Variants in GRIK1 observed in about 807,000 individuals in gnomAD.
GRIK1 encodes glutamate ionotropic receptor kainate type subunit 1, also known as glutamate receptor ionotropic, kainate 1.
In GRIK1, 69 loss-of-function variants were observed where a neutral mutation model predicts 105.7. The ratio of observed to expected loss-of-function variants is 0.65; its 90% CI spans 0.54 to 0.80. The LOEUF is 0.80. Among genes scored for constraint, GRIK1 ranks in the 30% least tolerant of loss-of-function variants. The pLI, the probability that GRIK1 is intolerant of heterozygous loss-of-function variation, is 0.00. For missense variants in GRIK1, 1,109 were observed against 1,167.3 expected (o/e 0.95, Z 0.73); for synonymous variants, 438 against 431.3 (o/e 1.02, Z -0.19).
chr21:29,596,995 C>T (rs1178450867), intron 8 of GRIK1, among the ~76,000 whole-genome samples: 23 of 152,094 alleles, frequency 1.5e-4, no homozygotes. Flanking sequence ...CAGACACACA[C>T]ATATAAAGAA....
At chr21:29,672,006 C>T (rs1400508655) in intron 4 of GRIK1, among the ~76,000 whole-genome samples, 1 of 151,928 alleles carries the variant, frequency 6.6e-6, no homozygotes, top group East Asian at 1.9e-4. Flanking sequence ...GGCAAAATCA[C>T]TCTGGGGTGA....
chr21:29,865,677 T>C (rs1432085721), intron 1 of GRIK1, among the ~76,000 whole-genome samples: 2 of 152,242 alleles, frequency 1.3e-5, no homozygotes, highest in African/African-American at 4.8e-5. Context: ...TCATTAACAA[T>C]AGAAGTTTTT....
intron 14 of GRIK1, among the ~76,000 whole-genome samples, chr21:29,562,454 G>A (rs1243000672): frequency 1.3e-5 from 2 of 152,262 alleles, no homozygotes; most frequent in African/African-American, 2.4e-5. Context: ...TTAGGAGTTC[G>A]AGACCAGCTT....
At chr21:29,585,277 G>T (rs1377711062) in intron 12 of GRIK1, among the ~76,000 whole-genome samples, 1 of 151,956 alleles carries the variant, frequency 6.6e-6, no homozygotes, top group Non-Finnish European at 1.5e-5. Context: ...TGGAGGTCTG[G>T]GTCACCAAGA....
At chr21:29,813,320 G>T (rs2067062460) in intron 1 of GRIK1, among the ~76,000 whole-genome samples, 1 of 152,032 alleles carries the variant, frequency 6.6e-6, no homozygotes, top group African/African-American at 2.4e-5. Flanking sequence ...GGAGCATTTG[G>T]CACTTTACCC....
chr21:29,826,151 G>A (rs983642061), intron 1 of GRIK1, among the ~76,000 whole-genome samples: 1 of 152,004 alleles, frequency 6.6e-6, no homozygotes, highest in African/African-American at 2.4e-5. Flanking sequence ...CTGTATATTG[G>A]TCATTACTAT....
chr21:29,671,111 C>CTATAT (rs1458021105), intron 4 of GRIK1, among the ~76,000 whole-genome samples: 2 of 151,916 alleles, frequency 1.3e-5, no homozygotes, highest in Non-Finnish European at 2.9e-5. Context: ...GTGTTCCCAA[C>CTATAT]TTTATTTTAT....
chr21:29,740,380 A>G (rs1031678500), intron 1 of GRIK1, among the ~76,000 whole-genome samples: 2 of 151,896 alleles, frequency 1.3e-5, no homozygotes, highest in African/African-American at 4.8e-5. Flanking sequence ...ACCACACCCA[A>G]CTAATTTTTG....
chr21:29,718,254 C>T (rs1024445669), intron 1 of GRIK1, among the ~76,000 whole-genome samples: 1 of 152,172 alleles, frequency 6.6e-6, no homozygotes, highest in Non-Finnish European at 1.5e-5. Context: ...CAAACTGAGG[C>T]TCTGAGATGT....
At chr21:29,711,234 A>C (rs926716870) in intron 1 of GRIK1, among the ~76,000 whole-genome samples, 1 of 152,174 alleles carries the variant, frequency 6.6e-6, no homozygotes, top group Non-Finnish European at 1.5e-5. Context: ...GTTATCCTAT[A>C]GGATTATAAT....
At chr21:29,834,144 T>C (rs1179417171) in intron 1 of GRIK1, among the ~76,000 whole-genome samples, 2 of 152,026 alleles carry the variant, frequency 1.3e-5, no homozygotes, top group African/African-American at 4.8e-5. Flanking sequence ...CAGATAGTAT[T>C]ATCCTAAATT....
At chr21:29,670,254 G>A (rs942326621) in intron 4 of GRIK1, among the ~76,000 whole-genome samples, 1 of 152,146 alleles carries the variant, frequency 6.6e-6, no homozygotes, top group Non-Finnish European at 1.5e-5. Context: ...AAATGATTAG[G>A]AAAAGCAAAC....
Position 29,627,523 on chromosome 21 carries a change from CTCCATGGAAGAT to C in GRIK1, c.1098+15291_1098+15302del, listed in dbSNP as rs2062159610. Reference sequence around the variant, plus strand: ...CCATCACCCCATTGTCCCTTTTTCTCTCCATGGAAGATTTGGGTTGGTACACATGGCCTTGAG... The same window carrying C: ...CCATCACCCCATTGTCCCTTTTTCTCTTGGGTTGGTACACATGGCCTTGAG... On this transcript the variant is annotated intron_variant, in intron 7 of 17. Transcript: ENST00000327783. 5.3e-5 allele frequency among the ~76,000 whole-genome samples: 8 copies of C among 152,256 alleles called. No individual in the cohort carries two copies. In the South Asian group the frequency reaches 1.7e-3, roughly 32 times the overall value.
intron 1 of GRIK1, among the ~76,000 whole-genome samples, chr21:29,936,240 G>C (rs945099390): frequency 7.2e-5 from 11 of 152,156 alleles, no homozygotes; most frequent in Admixed American, 4.6e-4. Context: ...ATAATTGTAT[G>C]TGTTGAGATG....
intron 1 of GRIK1, among the ~76,000 whole-genome samples, chr21:29,730,298 A>G (rs1201439109): frequency 6.6e-6 from 1 of 152,230 alleles, no homozygotes; most frequent in African/African-American, 2.4e-5. Flanking sequence ...TTATCTGTTG[A>G]ATTCCCTTCT....
At chr21:29,775,275 CA>C (rs66647707) in intron 1 of GRIK1, among the ~76,000 whole-genome samples, 24,214 of 75,032 alleles carry the variant, frequency 0.32, 1,486 homozygotes, top group African/African-American at 0.39. Flanking sequence ...GCCTCTGTCT[CA>C]AAAAAAAAAA....
At position 29,687,542 on chromosome 21, in the gene GRIK1, T is replaced by C. The variant is rs1262763711; in HGVS notation, c.544+2186A>G. 2.6e-5 allele frequency among the ~76,000 whole-genome samples: 4 copies of C among 152,212 alleles called. No homozygotes were observed. In the East Asian group the frequency reaches 7.7e-4, roughly 29 times the overall value. ...TGGGCAAAAATCATTTTAACTTGAA[T>C]CATCTCTCAATGGGCGACATACGAA... On this transcript the variant is annotated intron_variant, in intron 3 of 17. Transcript: ENST00000327783.
chr21:29,555,187 G>A lies in GRIK1; in HGVS notation c.2472C>T (p.Asn824=), dbSNP rs2090220029. The A allele has an allele frequency of 6.2e-7, 1 of 1,613,830 alleles. No individual in the cohort carries two copies. Among genetic ancestry groups the A allele is most frequent in the African/African-American group, 1.3e-5 (1 of 74,892 alleles). The change falls in exon 16 of 18, where the codon AAC becomes AAT. Residue 824 remains asparagine (N), a synonymous_variant. Coordinates refer to ENST00000327783, the MANE Select transcript of GRIK1 (RefSeq NM_001330994.2). ...WRGNGCPEED[N]KEASALGVEN... Reference sequence around the variant, plus strand: ...CCACTCCCAGGGCACTGGCTTCTTTGTTGTCTTCCTCGGGGCAGCCATTCC... The same window carrying A: ...CCACTCCCAGGGCACTGGCTTCTTTATTGTCTTCCTCGGGGCAGCCATTCC...
At chr21:29,835,426 T>A (rs1010183371) in intron 1 of GRIK1, among the ~76,000 whole-genome samples, 1 of 152,196 alleles carries the variant, frequency 6.6e-6, no homozygotes, top group Non-Finnish European at 1.5e-5. Context: ...GTCTCTGGTC[T>A]TTTTTCTTTG....
Sources: gnomAD v4.1 joint callset for allele counts (sites outside exome capture counted in the v4.1 genomes callset) on GRCh38, gnomAD v4.1.1 for gene constraint, MANE v1.5 for transcripts, NCBI Gene and HGNC (gene_info 2026-07-23, HGNC 2026-07-21) for gene names.